KIAA0319L: variants seen among roughly 807,000 people sequenced by gnomAD.
KIAA0319L encodes the protein dyslexia-associated protein KIAA0319-like protein.
In KIAA0319L, 55 loss-of-function variants were observed where a neutral mutation model predicts 120.1. That is an observed-to-expected ratio of 0.46 (90% CI 0.37 to 0.57). KIAA0319L has a LOEUF of 0.57. Among genes scored for constraint, KIAA0319L ranks in the 20% least tolerant of loss-of-function variants. The probability of loss-of-function intolerance (pLI) is 0.00; values close to 1 mark genes in which losing one functional copy is unlikely to be tolerated. For synonymous variants in KIAA0319L, 398 were observed against 471.9 expected (o/e 0.84, Z 2.03); for missense variants, 1,049 against 1,255.3 (o/e 0.84, Z 2.48).
At chr1:35,492,841 T>C (rs1264302940) in intron 3 of KIAA0319L, among the ~76,000 whole-genome samples, 2 of 152,218 alleles carry the variant, frequency 1.3e-5, no homozygotes, top group African/African-American at 2.4e-5. Context: ...AGCTAACATG[T>C]AGACTTTCGC....
At chr1:35,478,313 A>T (rs1037383986) in intron 4 of KIAA0319L, among the ~76,000 whole-genome samples, 1 of 152,152 alleles carries the variant, frequency 6.6e-6, no homozygotes, top group Non-Finnish European at 1.5e-5. Context: ...GTACAAAAAA[A>T]AAAGCTAGAA....
intron 2 of KIAA0319L, chr1:35,533,211 G>A (rs1423706699): frequency 6.6e-6 from 1 of 152,174 alleles, no homozygotes; most frequent in Non-Finnish European, 1.5e-5. Context: ...AAGCAAACTT[G>A]AAAACTGCCC....
At chr1:35,514,401 G>T (rs897449683) in intron 2 of KIAA0319L, among the ~76,000 whole-genome samples, 1 of 150,854 alleles carries the variant, frequency 6.6e-6, no homozygotes, top group Non-Finnish European at 1.5e-5. Context: ...TGGACTAAAT[G>T]CCCCCACTTA....
chr1:35,533,677 T>C (rs1646460645), intron 2 of KIAA0319L, among the ~76,000 whole-genome samples: 1 of 152,252 alleles, frequency 6.6e-6, no homozygotes, highest in African/African-American at 2.4e-5. Context: ...CTACACCATC[T>C]GTCTTCCTAC....
chr1:35,484,251 AGT>A (rs1263342679), intron 3 of KIAA0319L, among the ~76,000 whole-genome samples: 3 of 152,086 alleles, frequency 2.0e-5, no homozygotes, highest in Non-Finnish European at 4.4e-5. Context: ...TTTATGCCTA[AGT>A]GTTTCATGTC....
At chr1:35,473,113 T>TTTTA in intron 5 of KIAA0319L, among the ~76,000 whole-genome samples, 1 of 139,162 alleles carries the variant, frequency 7.2e-6, no homozygotes, top group African/African-American at 2.8e-5. Context: ...TCTTTTTTTT[T>TTTTA]GAGACAGAGT....
At chr1:35,471,129 G>A (rs192909908) in intron 5 of KIAA0319L, among the ~76,000 whole-genome samples, 169 bp from the exon 6 acceptor site, 5 of 152,274 alleles carry the variant, frequency 3.3e-5, no homozygotes, top group East Asian at 3.9e-4. Context: ...AAGAAAGAGC[G>A]AATGCTGCTG....
At chr1:35,551,294 C>T (rs1195522548) in intron 2 of KIAA0319L, among the ~76,000 whole-genome samples, 1 of 152,042 alleles carries the variant, frequency 6.6e-6, no homozygotes, top group Non-Finnish European at 1.5e-5. Flanking sequence ...TTATTTATGG[C>T]ACTCTGTTTA....
chr1:35,449,943 G>T lies in KIAA0319L; in HGVS notation c.2277C>A (p.Thr759=). 6.2e-7 allele frequency: 1 copy of T among 1,614,120 alleles called. No homozygotes were observed. The highest frequency in any genetic ancestry group is 1.7e-5 in the Admixed American group (1 of 60,016). The change falls in exon 15 of 21, where the codon ACC becomes ACA. Residue 759 remains threonine (T), a synonymous_variant. Transcript: ENST00000325722. ...ILFLSNLVEG[T]YTFHLKVTDA... The stretch of plus-strand genomic sequence containing the variant: ...CGGTCACTTTCAGGTGAAAAGTGTA[G>T]GTTCCCTCAACCAGGTTTGAAAGAA...
chr1:35,528,051 T>C (rs984721183), intron 2 of KIAA0319L, among the ~76,000 whole-genome samples: 57 of 152,104 alleles, frequency 3.7e-4, no homozygotes, highest in Non-Finnish European at 1.9e-4. Context: ...CTGTATCCCA[T>C]AGGTTTTGGT....
intron 3 of KIAA0319L, among the ~76,000 whole-genome samples, chr1:35,496,447 A>T (rs71649775): frequency 6.6e-6 from 1 of 152,168 alleles, no homozygotes; most frequent in Non-Finnish European, 1.5e-5. Flanking sequence ...AATAAAACAT[A>T]CAATGTAATC....
intron 10 of KIAA0319L, 173 bp from the exon 11 acceptor site, chr1:35,454,658 C>T: frequency 7.1e-7 from 1 of 1,402,534 alleles, no homozygotes; most frequent in Non-Finnish European, 9.3e-7. Flanking sequence ...TCATGAGGCA[C>T]CTTGCTAAGG....
At chr1:35,519,903 A>G (rs1645840640) in intron 2 of KIAA0319L, among the ~76,000 whole-genome samples, 1 of 152,152 alleles carries the variant, frequency 6.6e-6, no homozygotes, top group Admixed American at 6.5e-5. Flanking sequence ...TGCCCTGGCT[A>G]TCTGGGAAAA....
intron 7 of KIAA0319L, among the ~76,000 whole-genome samples, chr1:35,463,660 G>C (rs1288451809): frequency 6.6e-6 from 1 of 152,200 alleles, no homozygotes. Flanking sequence ...TGGCTACAAA[G>C]TACAAGGAAT....
At chr1:35,545,206 A>C (rs1646937409) in intron 2 of KIAA0319L, among the ~76,000 whole-genome samples, 1 of 152,144 alleles carries the variant, frequency 6.6e-6, no homozygotes, top group Non-Finnish European at 1.5e-5. Context: ...ACTAGAGGTC[A>C]AGCAGTGCCC....
At chr1:35,461,366 T>C (rs1374414595) in intron 8 of KIAA0319L, among the ~76,000 whole-genome samples, 1 of 152,148 alleles carries the variant, frequency 6.6e-6, no homozygotes, top group Non-Finnish European at 1.5e-5. Context: ...CTCAGGTGGC[T>C]GAGGCAGGAG....
intron 6 of KIAA0319L, 128 bp downstream of exon 6, chr1:35,470,731 CAGAT>C: frequency 1.6e-6 from 1 of 642,478 alleles, no homozygotes; most frequent in Middle Eastern, 3.3e-4. Flanking sequence ...GTCAGCCAGT[CAGAT>C]TTTTGGAGGA....
intron 2 of KIAA0319L, among the ~76,000 whole-genome samples, chr1:35,541,773 T>A (rs914140221): frequency 1.4e-4 from 22 of 152,078 alleles, no homozygotes; most frequent in African/African-American, 5.3e-4. Context: ...TGGGCACATA[T>A]CAGTTTTGGG....
At chr1:35,556,246 G>C (rs1044043367) in intron 1 of KIAA0319L, among the ~76,000 whole-genome samples, 2 of 152,204 alleles carry the variant, frequency 1.3e-5, no homozygotes, top group Non-Finnish European at 2.9e-5. Context: ...AGACAGAGCA[G>C]GGGGTAATGT....
Sources: allele counts gnomAD v4.1 joint callset (sites outside exome capture counted in the v4.1 genomes callset), GRCh38; gene constraint gnomAD v4.1.1; transcripts MANE v1.5; gene names NCBI Gene and HGNC (gene_info 2026-07-23, HGNC 2026-07-21).